Variants in UBE3D observed in about 807,000 individuals in gnomAD.
UBE3D encodes the protein ubiquitin protein ligase E3D, also known as E3 ubiquitin-protein ligase E3D.
A neutral mutation model predicts 49.6 loss-of-function variants in UBE3D; 48 were observed. The ratio of observed to expected loss-of-function variants is 0.97; its 90% confidence interval spans 0.77 to 1.23. The LOEUF is 1.23. UBE3D is among the 50% of genes most tolerant of loss of function. The pLI, the probability that UBE3D is intolerant of heterozygous loss-of-function variation, is 0.00. For missense variants in UBE3D, 452 were observed against 468.4 expected (o/e 0.96, Z 0.32); for synonymous variants, 189 against 174.2 (o/e 1.08, Z -0.67).
intron 1 of UBE3D, among the ~76,000 whole-genome samples, chr6:83,063,655 C>T (rs1264891244): frequency 1.3e-5 from 2 of 152,020 alleles, no homozygotes; most frequent in East Asian, 1.9e-4. Flanking sequence ...TATTAGTCAT[C>T]GGTAAAATGA....
intron 7 of UBE3D, among the ~76,000 whole-genome samples, chr6:83,021,200 G>A (rs979320403): frequency 9.9e-5 from 15 of 152,044 alleles, no homozygotes; most frequent in Admixed American, 9.2e-4. Flanking sequence ...CAACAGTTTG[G>A]GAGGCCAAAG....
chr6:82,904,793 C>A (rs1771982400), intron 9 of UBE3D, among the ~76,000 whole-genome samples: 1 of 151,878 alleles, frequency 6.6e-6, no homozygotes, highest in Admixed American at 6.6e-5. Flanking sequence ...CCTATGTTAC[C>A]CTAAGTAACA....
At chr6:82,927,014 C>G (rs757381359) in intron 9 of UBE3D, among the ~76,000 whole-genome samples, 9 of 152,094 alleles carry the variant, frequency 5.9e-5, no homozygotes, top group African/African-American at 9.7e-5. Context: ...CCATTCTGAA[C>G]TGACTTTTGT....
intron 8 of UBE3D, among the ~76,000 whole-genome samples, chr6:82,959,576 T>C (rs1250596835): frequency 6.6e-6 from 1 of 151,828 alleles, no homozygotes; most frequent in Non-Finnish European, 1.5e-5. Flanking sequence ...AGCTCCCACA[T>C]AGCTTTCTTC....
intron 4 of UBE3D, among the ~76,000 whole-genome samples, chr6:83,039,011 T>G (rs1782462042): frequency 6.6e-6 from 1 of 152,204 alleles, no homozygotes; most frequent in Non-Finnish European, 1.5e-5. Context: ...CCACTTAGGA[T>G]CGGCACTGTA....
Position 82,984,217 on chromosome 6 carries a change from G to T in UBE3D, c.1011-26767C>A, listed in dbSNP as rs183824942. Among the ~76,000 whole-genome samples, 391 of 152,150 alleles carry T rather than the reference G, an allele frequency of 2.6e-3. 3 individuals are homozygous for T. Among genetic ancestry groups the T allele is most frequent in the African/African-American group, 9.1e-3 (379 of 41,512 alleles). On this transcript the variant is annotated intron_variant, in intron 8 of 9. Coordinates refer to ENST00000369747, the MANE Select transcript of UBE3D (RefSeq NM_198920.3). ...ATACACTTTCTTCTTCACCAGAGTA[G>T]TATATACTGATATTCATTATTAATT...
chr6:83,001,045 T>C (rs546277371), intron 8 of UBE3D, among the ~76,000 whole-genome samples: 3 of 152,252 alleles, frequency 2.0e-5, no homozygotes, highest in Admixed American at 6.5e-5. Flanking sequence ...GGTTTCTCCA[T>C]GTTGGTCAGG....
At chr6:83,023,437 TTTCC>T (rs962564038) in intron 6 of UBE3D, among the ~76,000 whole-genome samples, 1 of 152,226 alleles carries the variant, frequency 6.6e-6, no homozygotes, top group Non-Finnish European at 1.5e-5. Flanking sequence ...AGGCTTTCTC[TTTCC>T]TTTTCCAAAT....
At chr6:82,888,504 T>C (rs1770929190), downstream of UBE3D, among the ~76,000 whole-genome samples, 1 of 152,006 alleles carries the variant, frequency 6.6e-6, no homozygotes, top group South Asian at 2.1e-4. Context: ...TCAGGCTTTG[T>C]ATAATAGGGG....
At chr6:82,908,618 A>T (rs939211072) in intron 9 of UBE3D, among the ~76,000 whole-genome samples, 5 of 152,124 alleles carry the variant, frequency 3.3e-5, no homozygotes, top group East Asian at 1.9e-4. Flanking sequence ...GGGGGAAAAA[A>T]TTTCATATTT....
chr6:83,027,805 G>T (rs1476550084), intron 5 of UBE3D, among the ~76,000 whole-genome samples: 1 of 152,158 alleles, frequency 6.6e-6, no homozygotes, highest in Non-Finnish European at 1.5e-5. Context: ...TCTATAGATT[G>T]CTATTCTTCA....
At chr6:82,966,187 T>C (rs1776907933) in intron 8 of UBE3D, among the ~76,000 whole-genome samples, 1 of 152,096 alleles carries the variant, frequency 6.6e-6, no homozygotes, top group Non-Finnish European at 1.5e-5. Context: ...TCCATTTATA[T>C]AAAATGCTCA....
chr6:83,064,057 G>A (rs992562890), intron 1 of UBE3D, among the ~76,000 whole-genome samples: 15 of 152,152 alleles, frequency 9.9e-5, no homozygotes, highest in Admixed American at 9.8e-4. Flanking sequence ...CAAGAAAAAG[G>A]AATGGACTAC....
intron 8 of UBE3D, among the ~76,000 whole-genome samples, chr6:82,995,510 A>ACACACACACACACACACG (rs766604234): frequency 2.0e-5 from 3 of 151,556 alleles, no homozygotes; most frequent in Admixed American, 6.6e-5. Context: ...ACACACACAC[A>ACACACACACACACACACG]CACACAGTCA....
chr6:83,006,297 T>C (rs961972205), intron 8 of UBE3D, among the ~76,000 whole-genome samples: 11 of 152,168 alleles, frequency 7.2e-5, no homozygotes, highest in African/African-American at 2.7e-4. Flanking sequence ...AATTAAGAAG[T>C]TGAAGCCCTA....
chr6:82,922,355 C>T (rs1773410141), intron 9 of UBE3D, among the ~76,000 whole-genome samples: 1 of 151,998 alleles, frequency 6.6e-6, no homozygotes, highest in Non-Finnish European at 1.5e-5. Context: ...ATAAAGTCTG[C>T]CAAGAACAGA....
At chr6:82,891,427 TA>T (rs1481358642), downstream of UBE3D, among the ~76,000 whole-genome samples, 1 of 152,226 alleles carries the variant, frequency 6.6e-6, no homozygotes, top group Non-Finnish European at 1.5e-5. Context: ...GATAGGAATC[TA>T]AAGCATGGAA....
At chr6:83,024,094 G>A in intron 5 of UBE3D, 56 bp from the exon 6 acceptor site, 1 of 960,320 alleles carries the variant, frequency 1.0e-6, no homozygotes, top group East Asian at 2.7e-5. Context: ...ATTTTATTGT[G>A]GGCAAGTTGA....
rs778278435 is a variant in UBE3D at position 82,959,717 on chromosome 6, C to CAA, written c.1011-2269_1011-2268dup. Among the ~76,000 whole-genome samples, 33 of 37,720 alleles carry CAA rather than the reference C, an allele frequency of 8.7e-4. 1 individual carries two copies. Among genetic ancestry groups the CAA allele is most frequent in the South Asian group, 3.6e-3 (3 of 828 alleles). The allele number at this position is 37,720 out of a possible 152,430, so 24.7% of individuals were successfully genotyped here. ...CAAATTCCTATCTCAGTGAGACCTC[C>CAA]AAAAAAAAAAAAAAAAAAAAAAAAA... On this transcript the variant is annotated intron_variant, in intron 8 of 9. Transcript: ENST00000369747.
Sources: gnomAD v4.1 joint callset for allele counts (sites outside exome capture counted in the v4.1 genomes callset) on GRCh38, gnomAD v4.1.1 for gene constraint, MANE v1.5 for transcripts, NCBI Gene and HGNC (gene_info 2026-07-23, HGNC 2026-07-21) for gene names.